The following ADAMTS14 variants were observed in gnomAD, a reference collection of about 807,000 sequenced individuals.
ADAMTS14 encodes the protein A disintegrin and metalloproteinase with thrombospondin motifs 14.
Under a neutral mutation model 128.6 loss-of-function variants are expected in ADAMTS14, and 100 were observed. The observed-to-expected ratio is 0.78, with a 90% CI of 0.66 to 0.92. The LOEUF (loss-of-function observed/expected upper bound fraction) is 0.92. Among genes scored for constraint, ADAMTS14 ranks in the 40% least tolerant of loss-of-function variants. ADAMTS14 has a pLI of 0.00. For missense variants in ADAMTS14, 1,562 were observed against 1,658.6 expected (o/e 0.94, Z 1.01); for synonymous variants, 665 against 653.8 (o/e 1.02, Z -0.26).
intron 7 of ADAMTS14, 48 bp downstream of exon 7, chr10:70,732,407 C>A (rs773633054): frequency 6.6e-7 from 1 of 1,504,122 alleles, no homozygotes; most frequent in Non-Finnish European, 9.2e-7. Context: ...GTGCCGTGAG[C>A]TCCAGGGAAT....
rs769479026 is a variant in ADAMTS14 at position 70,760,620 on chromosome 10, C to T, written c.3439C>T (p.Arg1147Ter). ...PTGSEDHQHG[R>*]ATQLPGALDT... Reference sequence around the variant, plus strand: ...GGGATCAGAGGACCATCAGCATGGCCGAGCCACACAGCTCCCAGGAGCTCT... The same window carrying T: ...GGGATCAGAGGACCATCAGCATGGCTGAGCCACACAGCTCCCAGGAGCTCT... The change falls in exon 22 of 22, where the codon CGA (arginine) becomes TGA (stop). Residue 1147 changes from arginine (R) to a stop codon, truncating the protein, a stop_gained. Transcript: ENST00000373207. LOFTEE classifies it low-confidence loss of function (END_TRUNC). 4.5e-5 allele frequency: 73 copies of T among 1,614,078 alleles called. No homozygotes were observed. The highest frequency in any genetic ancestry group is 9.3e-5 in the African/African-American group (7 of 75,036).
intron 2 of ADAMTS14, among the ~76,000 whole-genome samples, chr10:70,685,863 A>G (rs1239583535): frequency 6.6e-6 from 1 of 152,074 alleles, no homozygotes; most frequent in Non-Finnish European, 1.5e-5. Flanking sequence ...GGTGTTTATG[A>G]GGCTCCCACT....
chr10:70,694,668 G>T (rs1840283689), intron 2 of ADAMTS14, among the ~76,000 whole-genome samples: 1 of 151,918 alleles, frequency 6.6e-6, no homozygotes, highest in Non-Finnish European at 1.5e-5. Flanking sequence ...TCTTTCACTT[G>T]GCATATTTTC....
intron 8 of ADAMTS14, 135 bp downstream of exon 8, chr10:70,734,163 C>T: frequency 8.5e-7 from 1 of 1,180,196 alleles, no homozygotes. Flanking sequence ...GCCTCCCCGC[C>T]AAACCTGGCC....
At chr10:70,684,979 A>G (rs575785803) in intron 2 of ADAMTS14, among the ~76,000 whole-genome samples, 1 of 152,378 alleles carries the variant, frequency 6.6e-6, no homozygotes, top group African/African-American at 2.4e-5. Context: ...TATTTATGAT[A>G]TGGAATAAAA....
chr10:70,678,923 A>G (rs988581118), intron 2 of ADAMTS14, among the ~76,000 whole-genome samples: 4 of 152,068 alleles, frequency 2.6e-5, no homozygotes, highest in Non-Finnish European at 4.4e-5. Context: ...TTCATGCCTA[A>G]CACTGGGGTA....
chr10:70,756,809 G>A (rs924400730), intron 19 of ADAMTS14, among the ~76,000 whole-genome samples: 3 of 152,210 alleles, frequency 2.0e-5, no homozygotes, highest in Non-Finnish European at 4.4e-5. Context: ...TTAATTCTTG[G>A]AGCAGGTGCT....
chr10:70,718,633 G>A (rs1414040096), intron 4 of ADAMTS14, among the ~76,000 whole-genome samples: 3 of 150,824 alleles, frequency 2.0e-5, no homozygotes, highest in South Asian at 2.1e-4. Flanking sequence ...TGACCTGCCC[G>A]CCTCAGCCTC....
intron 19 of ADAMTS14, among the ~76,000 whole-genome samples, chr10:70,754,567 G>T (rs1282452338): frequency 6.6e-6 from 1 of 152,170 alleles, no homozygotes; most frequent in Non-Finnish European, 1.5e-5. Context: ...CACAGGAAGA[G>T]ACCAAGTCAG....
At position 70,760,949 on chromosome 10, in the gene ADAMTS14, C is replaced by G; in HGVS notation, c.*96C>G. ...ACACATAGCAGGGCAGGCGCAAGCACAGACTTCATTTTAAATCATTCGCCT... is the reference window on the plus strand; with the variant it reads ...ACACATAGCAGGGCAGGCGCAAGCAGAGACTTCATTTTAAATCATTCGCCT... On this transcript the variant is annotated 3_prime_UTR_variant, in exon 22 of 22. Coordinates refer to ENST00000373207, the MANE Select transcript of ADAMTS14 (RefSeq NM_080722.4). The G allele has an allele frequency of 7.0e-7, 1 of 1,429,342 alleles. No homozygotes were observed. Among genetic ancestry groups the G allele is most frequent in the Non-Finnish European group, 9.2e-7 (1 of 1,085,060 alleles). The allele number at this position is 1,429,342 out of a possible 1,614,324, so 88.5% of individuals were successfully genotyped here. A position where few individuals can be genotyped will look rare whatever the true frequency, so the allele number is the denominator to read the frequency against.
intron 4 of ADAMTS14, among the ~76,000 whole-genome samples, chr10:70,713,470 G>A (rs541761606): frequency 1.3e-5 from 2 of 152,214 alleles, no homozygotes; most frequent in Admixed American, 1.3e-4. Flanking sequence ...GAGCCCCAGG[G>A]GCCACAGGAT....
At position 70,744,206 on chromosome 10, in the gene ADAMTS14, C is replaced by A. The variant is rs1175339789; in HGVS notation, c.2182+17C>A. On this transcript the variant is annotated intron_variant, in intron 14 of 21. Transcript: ENST00000373207. ...AGCAGGCAGGTGAGCCGGGCTGGGGCTGGGGGGATGACGAGGGCTGACTGG... is the reference window on the plus strand; with the variant it reads ...AGCAGGCAGGTGAGCCGGGCTGGGGATGGGGGGATGACGAGGGCTGACTGG... The A allele has an allele frequency of 8.0e-6, 12 of 1,508,290 alleles. No individual in the cohort carries two copies. The highest frequency in any genetic ancestry group is 2.1e-5 in the Admixed American group (1 of 47,748). The allele number at this position is 1,508,290 out of a possible 1,614,324, so 93.4% of individuals were successfully genotyped here. A position where few individuals can be genotyped will look rare whatever the true frequency, so the allele number is the denominator to read the frequency against.
intron 8 of ADAMTS14, 69 bp from the exon 9 acceptor site, chr10:70,735,100 C>A: frequency 6.4e-7 from 1 of 1,556,762 alleles, no homozygotes; most frequent in South Asian, 1.2e-5. Flanking sequence ...AAAACCCCAG[C>A]CCCTGGGAAG....
chr10:70,683,163 G>A (rs997399019), intron 2 of ADAMTS14, among the ~76,000 whole-genome samples: 3 of 152,204 alleles, frequency 2.0e-5, no homozygotes, highest in Non-Finnish European at 4.4e-5. Context: ...TGCTCACGTA[G>A]TCACTCTCCG....
intron 4 of ADAMTS14, among the ~76,000 whole-genome samples, chr10:70,710,409 G>A (rs1367220835): frequency 1.3e-5 from 2 of 152,348 alleles, no homozygotes; most frequent in Non-Finnish European, 2.9e-5. Flanking sequence ...TGGCCTTGAT[G>A]TTAGGGCCCT....
At position 70,703,167 on chromosome 10, in the gene ADAMTS14, G is replaced by A. The variant is rs750956590; in HGVS notation, c.679+699G>A. Among the ~76,000 whole-genome samples, 19 of 152,236 alleles carry A rather than the reference G, an allele frequency of 1.2e-4. 1 individual carries two copies. The highest frequency in any genetic ancestry group is 2.6e-4 in the Admixed American group (4 of 15,294). ...TTAGGGTGGGAACCCCCTGAGGGAA[G>A]GGGTGTCCCTGCGCCCAGGCGACCA... On this transcript the variant is annotated intron_variant, in intron 3 of 21. Coordinates refer to ENST00000373207, the MANE Select transcript of ADAMTS14 (RefSeq NM_080722.4).
intron 4 of ADAMTS14, among the ~76,000 whole-genome samples, chr10:70,721,206 G>A (rs1041734905): frequency 1.3e-5 from 2 of 150,500 alleles, no homozygotes; most frequent in South Asian, 2.1e-4. Flanking sequence ...TCTATTTTTA[G>A]TAGAGACGGG....
At chr10:70,676,130 GT>G (rs199934836) in intron 2 of ADAMTS14, among the ~76,000 whole-genome samples, 28,993 of 143,796 alleles carry the variant, frequency 0.2, 3,081 homozygotes, top group Non-Finnish European at 0.25. Context: ...CCACGATGAG[GT>G]TTTTTTTTTT....
intron 2 of ADAMTS14, among the ~76,000 whole-genome samples, chr10:70,691,756 T>C (rs1251246459): frequency 1.3e-5 from 2 of 152,132 alleles, no homozygotes; most frequent in Non-Finnish European, 2.9e-5. Context: ...GCTGGATCAC[T>C]TGTGGTCTAG....
Sources: allele counts gnomAD v4.1 joint callset (sites outside exome capture counted in the v4.1 genomes callset), GRCh38; gene constraint gnomAD v4.1.1; transcripts MANE v1.5; gene names NCBI Gene and HGNC (gene_info 2026-07-23, HGNC 2026-07-21).